PSD3: variants seen among roughly 807,000 people sequenced by gnomAD.
PSD3 encodes pleckstrin and Sec7 domain containing 3, also known as PH and SEC7 domain-containing protein 3.
PSD3 carries 49 observed loss-of-function variants against 105.5 expected under a neutral mutation model. The ratio of observed to expected loss-of-function variants is 0.46; its 90% CI spans 0.37 to 0.59. PSD3 has a LOEUF of 0.59. Among genes scored for constraint, PSD3 ranks in the 20% least tolerant of loss-of-function variants. The pLI is 0.00. For missense variants in PSD3, 1,561 were observed against 1,263.8 expected, an observed-to-expected ratio of 1.24 and a Z score of -3.57; for synonymous variants, 557 against 457.8, an observed-to-expected ratio of 1.22 and a Z score of -2.77.
At chr8:18,623,446 CCCAAAA>C (rs1194345157) in intron 11 of PSD3, among the ~76,000 whole-genome samples, 7 of 57,074 alleles carry the variant, frequency 1.2e-4, no homozygotes, top group African/African-American at 2.3e-4. Flanking sequence ...CCCCCGTCTC[CCCAAAA>C]AAAAAAAAAA....
intron 2 of PSD3, among the ~76,000 whole-genome samples, chr8:18,908,751 G>T (rs1409418294): frequency 6.6e-6 from 1 of 152,164 alleles, no homozygotes; most frequent in African/African-American, 2.4e-5. Context: ...TGTCTTGCTT[G>T]TAAGTTCATT....
At chr8:18,801,614 G>C (rs1263652850) in intron 6 of PSD3, among the ~76,000 whole-genome samples, 1 of 152,114 alleles carries the variant, frequency 6.6e-6, no homozygotes, top group East Asian at 1.9e-4. Flanking sequence ...GTGTTCACTT[G>C]AGGTCAGGGG....
At chr8:18,752,382 A>C (rs1200917591) in intron 9 of PSD3, among the ~76,000 whole-genome samples, 2 of 143,912 alleles carry the variant, frequency 1.4e-5, no homozygotes, top group African/African-American at 5.2e-5. Context: ...TCTTGTCCTT[A>C]AGAATACTGG....
chr8:18,750,659 A>G (rs1805402416), intron 9 of PSD3, among the ~76,000 whole-genome samples: 1 of 152,010 alleles, frequency 6.6e-6, no homozygotes, highest in East Asian at 1.9e-4. Context: ...GCTGATTGGT[A>G]GAGCCGAGTG....
intron 1 of PSD3, among the ~76,000 whole-genome samples, chr8:18,976,959 A>T (rs960193623): frequency 6.6e-6 from 1 of 152,186 alleles, no homozygotes; most frequent in Non-Finnish European, 1.5e-5. Context: ...AAGATTTTTT[A>T]AAAAATAGAG....
chr8:18,581,782 G>T (rs779421102), intron 12 of PSD3, among the ~76,000 whole-genome samples: 4 of 152,182 alleles, frequency 2.6e-5, no homozygotes, highest in Non-Finnish European at 5.9e-5. Flanking sequence ...GGGACCAGAC[G>T]CTATGTTTAT....
At chr8:18,567,086 T>C (rs1388686557) in intron 14 of PSD3, among the ~76,000 whole-genome samples, 1 of 152,236 alleles carries the variant, frequency 6.6e-6, no homozygotes, top group African/African-American at 2.4e-5. Flanking sequence ...AACACTCATA[T>C]GTTGCTCTAA....
intron 1 of PSD3, among the ~76,000 whole-genome samples, chr8:18,998,351 T>G (rs1826190922): frequency 6.6e-6 from 1 of 151,960 alleles, no homozygotes; most frequent in African/African-American, 2.4e-5. Flanking sequence ...GGTGCTAGGC[T>G]TTCTCAAAAC....
chr8:19,052,002 G>A (rs780964060), intron 1 of PSD3, among the ~76,000 whole-genome samples: 1 of 152,192 alleles, frequency 6.6e-6, no homozygotes, highest in Non-Finnish European at 1.5e-5. Flanking sequence ...CAAAGTGATG[G>A]AGAATGAGGA....
chr8:18,719,953 G>A (rs1802846751), intron 9 of PSD3, among the ~76,000 whole-genome samples: 1 of 152,058 alleles, frequency 6.6e-6, no homozygotes, highest in Admixed American at 6.6e-5. Flanking sequence ...TGTTCATAGC[G>A]ATATATGCAT....
chr8:18,791,530 A>T (rs1232475597), intron 8 of PSD3, among the ~76,000 whole-genome samples: 1 of 152,224 alleles, frequency 6.6e-6, no homozygotes, highest in African/African-American at 2.4e-5. Flanking sequence ...AGCCATACGC[A>T]GAAAACTGAA....
intron 7 of PSD3, among the ~76,000 whole-genome samples, chr8:18,800,745 T>C: frequency 6.6e-6 from 1 of 152,192 alleles, no homozygotes; most frequent in East Asian, 1.9e-4. Flanking sequence ...ATAGTACAAT[T>C]AATATCAAAC....
intron 4 of PSD3, among the ~76,000 whole-genome samples, chr8:18,865,422 G>A (rs1816853678): frequency 1.3e-5 from 2 of 150,554 alleles, no homozygotes; most frequent in Admixed American, 1.3e-4. Context: ...GAAGGTAGAA[G>A]GGAGTAAAGA....
intron 11 of PSD3, among the ~76,000 whole-genome samples, chr8:18,605,958 T>C (rs1253282331): frequency 6.6e-6 from 1 of 152,190 alleles, no homozygotes. Context: ...GTATAGCCTG[T>C]GGATCTGTGA....
chr8:18,713,664 A>G (rs1399456485), intron 9 of PSD3, among the ~76,000 whole-genome samples: 1 of 152,170 alleles, frequency 6.6e-6, no homozygotes, highest in Non-Finnish European at 1.5e-5. Flanking sequence ...TTCTATGCTC[A>G]TGGATAGTAA....
chr8:18,660,746 T>C (rs1414330591), intron 9 of PSD3, among the ~76,000 whole-genome samples: 1 of 152,334 alleles, frequency 6.6e-6, no homozygotes, highest in East Asian at 1.9e-4. Flanking sequence ...GGTTAAAAAA[T>C]CACTGCTTTG....
chr8:18,914,735 T>G (rs989874748), intron 2 of PSD3, among the ~76,000 whole-genome samples: 1 of 152,134 alleles, frequency 6.6e-6, no homozygotes, highest in African/African-American at 2.4e-5. Context: ...TGGAAAGATA[T>G]CCCATGTTCA....
At chr8:18,626,487 A>G (rs755808946) in intron 11 of PSD3, among the ~76,000 whole-genome samples, 11 of 152,296 alleles carry the variant, frequency 7.2e-5, no homozygotes, top group South Asian at 2.1e-4. Context: ...GAAAATAAGT[A>G]TCTACTTTTT....
chr8:19,032,390 C>T (rs1827799465), intron 1 of PSD3, among the ~76,000 whole-genome samples: 1 of 151,966 alleles, frequency 6.6e-6, no homozygotes, highest in Non-Finnish European at 1.5e-5. Context: ...CTCCTGTAAT[C>T]CCAGCACTTT....
Sources: gnomAD v4.1 joint callset for allele counts (sites outside exome capture counted in the v4.1 genomes callset) on GRCh38, gnomAD v4.1.1 for gene constraint, MANE v1.5 for transcripts, NCBI Gene and HGNC (gene_info 2026-07-23, HGNC 2026-07-21) for gene names.